Variants in CRIM1 observed in about 807,000 individuals in gnomAD.
The protein encoded by CRIM1 is cysteine rich transmembrane BMP regulator 1.
In CRIM1, 32 loss-of-function variants were observed where a neutral mutation model predicts 116.4. That is an observed-to-expected ratio of 0.27 (90% CI 0.21 to 0.37). CRIM1 has a LOEUF of 0.37. Among genes scored for constraint, CRIM1 ranks in the 10% least tolerant of loss-of-function variants. The pLI, the probability that CRIM1 is intolerant of heterozygous loss-of-function variation, is 1.00. For missense variants in CRIM1, 1,331 were observed against 1,354.8 expected (o/e 0.98, Z 0.28); for synonymous variants, 590 against 509.2 (o/e 1.16, Z -2.13).
In CRIM1 at chr2:36,549,361, C is replaced by CAGTT. The variant is rs1481921393; in HGVS notation, c.*662_*665dup. The CAGTT allele has an allele frequency of 6.6e-6, 1 of 152,608 alleles. No homozygotes were observed. The highest frequency in any genetic ancestry group is 1.9e-4 in the East Asian group (1 of 5,188). The allele number at this position is 152,608 out of a possible 1,614,324, so 9.5% of individuals were successfully genotyped here. On this transcript the variant is annotated 3_prime_UTR_variant, in exon 17 of 17. Coordinates refer to ENST00000280527, the MANE Select transcript of CRIM1 (RefSeq NM_016441.3). ...TAAAGCGGGTTATTAAGGATATATA[C>CAGTT]AGTTACACTTTTTGCTGCTTTTATT...
rs531221429 is a variant in CRIM1, at chr2:36,445,920, G to A, written c.869+3185G>A. 2.0e-5 allele frequency among the ~76,000 whole-genome samples: 3 copies of A among 152,200 alleles called. No individual in the cohort carries two copies. In the East Asian group the frequency reaches 5.8e-4, roughly 29 times the overall value. On this transcript the variant is annotated intron_variant, in intron 4 of 16. Coordinates refer to ENST00000280527, the MANE Select transcript of CRIM1 (RefSeq NM_016441.3). ...TTTAGGCATAAAGAAGAAGATTATA[G>A]AACATATAAGATCCTATTATGATTA... is the stretch of plus-strand genomic sequence containing the variant.
At chr2:36,363,992 A>G (rs976045459) in intron 1 of CRIM1, among the ~76,000 whole-genome samples, 2 of 152,142 alleles carry the variant, frequency 1.3e-5, no homozygotes, top group Non-Finnish European at 1.5e-5. Context: ...ATTCATGAGC[A>G]TCGCCTATGG....
At chr2:36,405,044 T>C (rs1672684143) in intron 2 of CRIM1, among the ~76,000 whole-genome samples, 1 of 152,218 alleles carries the variant, frequency 6.6e-6, no homozygotes, top group Non-Finnish European at 1.5e-5. Flanking sequence ...CCCTGTGCTG[T>C]GTGTGGCCTA....
intron 4 of CRIM1, among the ~76,000 whole-genome samples, chr2:36,450,889 C>T (rs535574589): frequency 2.8e-4 from 42 of 152,324 alleles, no homozygotes; most frequent in African/African-American, 1.0e-3. Context: ...TGCTAGCACA[C>T]TGTTTCTTGT....
intron 4 of CRIM1, among the ~76,000 whole-genome samples, chr2:36,462,346 T>A (rs1677647501): frequency 6.6e-6 from 1 of 152,242 alleles, no homozygotes; most frequent in South Asian, 2.1e-4. Flanking sequence ...TTGTACTCCC[T>A]AAATGTATTT....
At chr2:36,375,695 C>G (rs1014021451) in intron 1 of CRIM1, among the ~76,000 whole-genome samples, 6 of 152,230 alleles carry the variant, frequency 3.9e-5, no homozygotes, top group African/African-American at 1.2e-4. Context: ...TTTAGACTTT[C>G]TAAGCCACAG....
intron 5 of CRIM1, among the ~76,000 whole-genome samples, chr2:36,466,799 C>G (rs897405468): frequency 2.4e-4 from 36 of 152,242 alleles, no homozygotes; most frequent in African/African-American, 8.4e-4. Context: ...TGTAGGAATC[C>G]TCCATCTATT....
intron 4 of CRIM1, among the ~76,000 whole-genome samples, chr2:36,446,662 T>G (rs1375905301): frequency 6.6e-6 from 1 of 152,250 alleles, no homozygotes; most frequent in Non-Finnish European, 1.5e-5. Flanking sequence ...GGCATAGATT[T>G]CCAGGCATCC....
chr2:36,506,189 A>T (rs199510975), intron 8 of CRIM1, among the ~76,000 whole-genome samples: 2,226 of 94,566 alleles, frequency 0.024, 46 homozygotes, highest in South Asian at 0.064. Context: ...TCTCACACAC[A>T]CACACACACA....
chr2:36,509,287 C>T (rs966725906), intron 8 of CRIM1, among the ~76,000 whole-genome samples: 1 of 152,194 alleles, frequency 6.6e-6, no homozygotes, highest in Non-Finnish European at 1.5e-5. Flanking sequence ...GAAGCTGACA[C>T]TGGCGGATCA....
intron 13 of CRIM1, among the ~76,000 whole-genome samples, chr2:36,535,247 G>A (rs1047774315): frequency 8.6e-5 from 13 of 151,414 alleles, no homozygotes; most frequent in Non-Finnish European, 1.8e-4. Flanking sequence ...GAGGGGGAAG[G>A]AGAGAGGGGA....
rs1432023016 is a variant in CRIM1 at position 36,483,081 on chromosome 2, C to T, written c.1372+3387C>T. Among the ~76,000 whole-genome samples the T allele has an allele frequency of 5.3e-5, 8 of 152,258 alleles. No individual in the cohort carries two copies. The East Asian group carries it at 1.5e-3, about 29-fold the overall frequency. On this transcript the variant is annotated intron_variant, in intron 7 of 16. Coordinates refer to ENST00000280527, the MANE Select transcript of CRIM1 (RefSeq NM_016441.3). ...ATTCTTAGCAAGTTATTGTCAACAC[C>T]CAATTCAGGTATACAGATAAGCCTT...
chr2:36,357,287 A>G (rs1558493432), intron 1 of CRIM1, among the ~76,000 whole-genome samples: 1 of 151,840 alleles, frequency 6.6e-6, no homozygotes, highest in Non-Finnish European at 1.5e-5. Context: ...CTGAAAGGAA[A>G]GGGGGGTGGG....
At position 36,396,659 on chromosome 2, in the gene CRIM1, A is replaced by G. The variant is rs1402099524; in HGVS notation, c.377A>G (p.Asn126Ser). 6.8e-6 allele frequency: 11 copies of G among 1,613,064 alleles called. No homozygotes were observed. The highest frequency in any genetic ancestry group is 8.5e-6 in the Non-Finnish European group (10 of 1,179,078). The change falls in exon 2 of 17, where the codon AAT becomes AGT. Residue 126 changes from asparagine to serine, a missense_variant. Physicochemically the swap from Asn to Ser is conservative, Grantham distance 46. Coordinates refer to ENST00000280527, the MANE Select transcript of CRIM1 (RefSeq NM_016441.3). ...DDQLLGFKPC[N>S]ENLIAGCNII... ...CAACTGCTTGGTTTTAAACCATGCA[A>G]TGAAAACCTTATTGCTGGCTGCAAT...
At position 36,441,522 on chromosome 2, in the gene CRIM1, G is replaced by A. The variant is rs1349629481; in HGVS notation, c.748+22G>A. 1.9e-6 allele frequency: 3 copies of A among 1,603,120 alleles called. No individual in the cohort carries two copies. The African/African-American group carries it at 4.0e-5, about 21-fold the overall frequency. On this transcript the variant is annotated intron_variant, in intron 3 of 16. Coordinates refer to ENST00000280527, the MANE Select transcript of CRIM1 (RefSeq NM_016441.3). ...CCAGGTATGCACGAGCTCTGTCTCA[G>A]CAGCCTTGTTCCTTTGCATCAGAGG...
chr2:36,450,617 C>A (rs1676634538), intron 4 of CRIM1, among the ~76,000 whole-genome samples: 1 of 152,168 alleles, frequency 6.6e-6, no homozygotes, highest in Non-Finnish European at 1.5e-5. Context: ...ATTTCCCACT[C>A]ATATCCTGTC....
chr2:36,499,181 A>T (rs146523843), intron 7 of CRIM1, 38 bp from the exon 8 acceptor site: 1 of 1,524,914 alleles, frequency 6.6e-7, no homozygotes, highest in South Asian at 1.1e-5. Context: ...AGGTAATCAT[A>T]TGTTTCATTG....
chr2:36,506,155 A>T (rs891329320), intron 8 of CRIM1, among the ~76,000 whole-genome samples: 2 of 103,064 alleles, frequency 1.9e-5, no homozygotes, highest in African/African-American at 7.8e-5. Context: ...ACACACACAC[A>T]CACTCTCTCT....
At chr2:36,402,437 C>G (rs1460988830) in intron 2 of CRIM1, among the ~76,000 whole-genome samples, 1 of 133,248 alleles carries the variant, frequency 7.5e-6, no homozygotes, top group Non-Finnish European at 1.5e-5. Context: ...ACAGCGTGAC[C>G]AGAATGGGGG....
Sources: gnomAD v4.1 joint callset for allele counts (sites outside exome capture counted in the v4.1 genomes callset) on GRCh38, gnomAD v4.1.1 for gene constraint, MANE v1.5 for transcripts, NCBI Gene and HGNC (gene_info 2026-07-23, HGNC 2026-07-21) for gene names.